ADGRL2: variants seen among roughly 807,000 people sequenced by gnomAD.
The protein encoded by ADGRL2 is adhesion G protein-coupled receptor L2.
ADGRL2 carries 44 observed loss-of-function variants against 157.4 expected under a neutral mutation model. That is an observed-to-expected ratio of 0.28 (90% CI 0.22 to 0.36). The LOEUF is 0.36. Among genes scored for constraint, ADGRL2 ranks in the 10% least tolerant of loss-of-function variants. The pLI is 1.00. For synonymous variants in ADGRL2, 585 were observed against 624.7 expected, an observed-to-expected ratio of 0.94 and a Z score of 0.95; for missense variants, 1,510 against 1,768.9, an observed-to-expected ratio of 0.85 and a Z score of 2.63.
At chr1:81,862,346 A>G (rs1222722073) in intron 2 of ADGRL2, among the ~76,000 whole-genome samples, 3 of 152,162 alleles carry the variant, frequency 2.0e-5, no homozygotes, top group Non-Finnish European at 4.4e-5. Flanking sequence ...TAATGAGCCA[A>G]CCCCTTTTAG....
At chr1:81,450,011 G>A (rs529107962) in intron 2 of ADGRL2, among the ~76,000 whole-genome samples, 2 of 152,114 alleles carry the variant, frequency 1.3e-5, no homozygotes, top group South Asian at 2.1e-4. Context: ...TTCCACCACC[G>A]ATGAGTCAGT....
chr1:81,726,582 G>T (rs2084537703), intron 1 of ADGRL2, among the ~76,000 whole-genome samples: 1 of 152,190 alleles, frequency 6.6e-6, no homozygotes, highest in African/African-American at 2.4e-5. Context: ...ATGGATTGAG[G>T]AGTCGTTCCC....
chr1:81,671,760 A>G (rs2082880684), intron 3 of ADGRL2, among the ~76,000 whole-genome samples: 1 of 152,064 alleles, frequency 6.6e-6, no homozygotes, highest in Non-Finnish European at 1.5e-5. Flanking sequence ...TGATCCACCC[A>G]CCTTGGCCTC....
chr1:81,595,717 A>G (rs894288918), intron 3 of ADGRL2, among the ~76,000 whole-genome samples: 5 of 152,274 alleles, frequency 3.3e-5, no homozygotes, highest in Admixed American at 6.5e-5. Flanking sequence ...TGAGCCTGCG[A>G]TATGAATGTA....
At chr1:81,699,788 T>C (rs1557576401) in exon 1 of ADGRL2, 1 of 152,228 alleles carries the variant, frequency 6.6e-6, no homozygotes, top group Non-Finnish European at 1.5e-5. Flanking sequence ...TCTATGTGGA[T>C]CCAGCATTAC....
chr1:81,641,451 G>A (rs952664636), intron 3 of ADGRL2, among the ~76,000 whole-genome samples: 1 of 152,090 alleles, frequency 6.6e-6, no homozygotes, highest in Admixed American at 6.5e-5. Flanking sequence ...CAAATTATGA[G>A]AATAAAGATC....
rs888984071 is a variant in ADGRL2 at position 81,619,723 on chromosome 1, G to C, written c.-143+38743G>C. Among the ~76,000 whole-genome samples, 7 of 102,042 alleles carry C rather than the reference G, an allele frequency of 6.9e-5. No individual in the cohort carries two copies. In the South Asian group the frequency reaches 1.8e-3, roughly 26 times the overall value. The allele number at this position is 102,042 out of a possible 152,430, so 66.9% of individuals were successfully genotyped here. The stretch of plus-strand genomic sequence containing the variant: ...AATTAAGTCTGGTGCTAAAAGAGGG[G>C]TGTGTGTATGTGTGTGTGTGTGTGT... On this transcript the variant is annotated intron_variant, in intron 3 of 24. Transcript: ENST00000370721.
chr1:81,513,327 G>C (rs1254351383), intron 2 of ADGRL2, among the ~76,000 whole-genome samples: 2 of 152,068 alleles, frequency 1.3e-5, no homozygotes, highest in African/African-American at 2.4e-5. Context: ...TGTTGTTTTT[G>C]ACAATTTGAT....
rs534155190 is a variant in ADGRL2 at position 81,397,124 on chromosome 1, C to T, written c.-301-47912C>T. Among the ~76,000 whole-genome samples the T allele has an allele frequency of 2.0e-5, 3 of 152,134 alleles. No homozygotes were observed. The South Asian group carries it at 6.2e-4, about 32-fold the overall frequency. On this transcript the variant is annotated intron_variant, in intron 1 of 24. Coordinates refer to the ADGRL2 transcript ENST00000370721. ...AGGTCCTGTACTTTTATTTTTATTACTGATTCCATCTTGTTATTTGTGATT... is the reference window on the plus strand; with the variant it reads ...AGGTCCTGTACTTTTATTTTTATTATTGATTCCATCTTGTTATTTGTGATT...
At chr1:81,660,927 A>C (rs911047229) in intron 3 of ADGRL2, among the ~76,000 whole-genome samples, 1 of 152,210 alleles carries the variant, frequency 6.6e-6, no homozygotes, top group African/African-American at 2.4e-5. Context: ...GTTAGAGGAG[A>C]GTTCAGGGTG....
upstream of ADGRL2, among the ~76,000 whole-genome samples, chr1:81,699,267 G>C (rs1256671651): frequency 6.6e-6 from 1 of 152,156 alleles, no homozygotes; most frequent in Non-Finnish European, 1.5e-5. Context: ...TTGCTAAATG[G>C]TTAGATTTAA....
chr1:81,860,765 GCTGA>G (rs1186169840), intron 2 of ADGRL2, among the ~76,000 whole-genome samples: 2 of 152,140 alleles, frequency 1.3e-5, no homozygotes, highest in African/African-American at 4.8e-5. Flanking sequence ...CAATATTTAT[GCTGA>G]CTTTCAGCCG....
At chr1:81,859,590 T>C (rs2093325410) in intron 2 of ADGRL2, among the ~76,000 whole-genome samples, 1 of 151,968 alleles carries the variant, frequency 6.6e-6, no homozygotes, top group South Asian at 2.1e-4. Context: ...TATTTTTTTG[T>C]AGACACAGGG....
intron 1 of ADGRL2, among the ~76,000 whole-genome samples, chr1:81,751,643 A>G (rs75573048): frequency 0.018 from 2,814 of 152,316 alleles, 78 homozygotes; most frequent in African/African-American, 0.064. Flanking sequence ...CATTATTAAG[A>G]TAAGTGGCAA....
chr1:81,512,815 G>GC (rs2079103856), intron 2 of ADGRL2, among the ~76,000 whole-genome samples: 1 of 152,084 alleles, frequency 6.6e-6, no homozygotes, highest in African/African-American at 2.4e-5. Context: ...ATTACCCACA[G>GC]CCCCCCTGCA....
rs548029966 is a variant in ADGRL2 at position 81,738,804 on chromosome 1, C to T, written c.-142-23007C>T. Among the ~76,000 whole-genome samples the T allele has an allele frequency of 3.3e-5, 5 of 152,340 alleles. No homozygotes were observed. In the East Asian group the frequency reaches 5.8e-4, roughly 18 times the overall value. On this transcript the variant is annotated intron_variant, in intron 1 of 20. Transcript: ENST00000359929. ...TCATGCTTTCTTGGCCTCACCTCAG[C>T]CTCTGAACTGTGATCTTTACCTGAG...
chr1:81,436,878 T>G (rs1475037137), intron 1 of ADGRL2, among the ~76,000 whole-genome samples: 2 of 152,154 alleles, frequency 1.3e-5, no homozygotes, highest in African/African-American at 2.4e-5. Context: ...ATTTTTCCTA[T>G]ACAGAAGTGC....
intron 1 of ADGRL2, among the ~76,000 whole-genome samples, chr1:81,747,155 ATATGTATG>A (rs1237679297): frequency 1.4e-5 from 2 of 146,550 alleles, no homozygotes; most frequent in African/African-American, 2.5e-5. Context: ...ATATACGTAT[ATATGTATG>A]TGTGTATATA....
chr1:81,867,415 A>G (rs1477940669), intron 2 of ADGRL2, among the ~76,000 whole-genome samples: 2 of 152,240 alleles, frequency 1.3e-5, no homozygotes, highest in African/African-American at 2.4e-5. Flanking sequence ...CTATGTGCTC[A>G]TGGGCCTATG....
Sources: allele counts gnomAD v4.1 joint callset (sites outside exome capture counted in the v4.1 genomes callset), GRCh38; gene constraint gnomAD v4.1.1; transcripts MANE v1.5; gene names NCBI Gene and HGNC (gene_info 2026-07-23, HGNC 2026-07-21).